Variants in PLCL1 observed in about 807,000 individuals in gnomAD.
PLCL1 encodes inactive phospholipase C-like protein 1.
PLCL1 carries 41 observed loss-of-function variants against 84.4 expected under a neutral mutation model. The observed-to-expected ratio is 0.49, with a 90% CI of 0.38 to 0.63. The LOEUF is 0.63. Ranked by LOEUF, PLCL1 falls within the 30% of genes least tolerant of loss-of-function variation. The pLI, the probability that PLCL1 is intolerant of heterozygous loss-of-function variation, is 0.00. For synonymous variants in PLCL1, 490 were observed against 488.3 expected, an observed-to-expected ratio of 1.00 and a Z score of -0.05; for missense variants, 1,206 against 1,367.8, an observed-to-expected ratio of 0.88 and a Z score of 1.87.
chr2:198,100,060 T>G (rs992689880), intron 3 of PLCL1, among the ~76,000 whole-genome samples: 1 of 152,046 alleles, frequency 6.6e-6, no homozygotes, highest in African/African-American at 2.4e-5. Flanking sequence ...AAAAGATAAT[T>G]ACAAGTTTGA....
intron 1 of PLCL1, among the ~76,000 whole-genome samples, chr2:198,009,882 A>T (rs902516178): frequency 1.3e-5 from 2 of 151,982 alleles, no homozygotes; most frequent in African/African-American, 4.8e-5. Flanking sequence ...TTCTCAGTGT[A>T]TAAGTCTTTT....
At chr2:197,906,474 A>G (rs1319837845) in intron 1 of PLCL1, among the ~76,000 whole-genome samples, 5 of 152,056 alleles carry the variant, frequency 3.3e-5, no homozygotes, top group South Asian at 4.2e-4. Context: ...GCCTTGTAGT[A>G]TAGTTTGAAG....
intron 1 of PLCL1, among the ~76,000 whole-genome samples, chr2:197,972,251 G>T (rs1456398381): frequency 6.6e-6 from 1 of 152,142 alleles, no homozygotes; most frequent in East Asian, 1.9e-4. Flanking sequence ...GCAAGTACAG[G>T]GTTTGTTTTG....
chr2:197,809,027 G>A (rs1690533898), intron 1 of PLCL1, among the ~76,000 whole-genome samples: 1 of 152,102 alleles, frequency 6.6e-6, no homozygotes, highest in Non-Finnish European at 1.5e-5. Context: ...ATATCATGGC[G>A]AGTCTCACTC....
At chr2:197,922,885 C>T (rs1478953846) in intron 1 of PLCL1, among the ~76,000 whole-genome samples, 7 of 129,744 alleles carry the variant, frequency 5.4e-5, no homozygotes, top group Admixed American at 1.5e-4. Flanking sequence ...CCAGACGGGG[C>T]GGCTGGCCGG....
intron 1 of PLCL1, among the ~76,000 whole-genome samples, chr2:197,833,342 G>A (rs1212682000): frequency 6.6e-6 from 1 of 152,174 alleles, no homozygotes; most frequent in African/African-American, 2.4e-5. Flanking sequence ...AATCAGGCAA[G>A]AGAAATAAAT....
At chr2:197,931,836 G>A (rs1393222802) in intron 1 of PLCL1, among the ~76,000 whole-genome samples, 1 of 152,014 alleles carries the variant, frequency 6.6e-6, no homozygotes, top group Non-Finnish European at 1.5e-5. Context: ...TTACTACACA[G>A]GTCAGTTGAA....
Position 198,011,298 on chromosome 2 carries a change from T to C in PLCL1, c.241-72460T>C, listed in dbSNP as rs1327424602. ...TGCTTTCACTGCATTCCATAAGTTT[T>C]GTATGTTGTGTTTTTCTTTTCACTT... is the stretch of plus-strand genomic sequence containing the variant. On this transcript the variant is annotated intron_variant, in intron 1 of 5. Transcript: ENST00000428675. 2.6e-5 allele frequency among the ~76,000 whole-genome samples: 4 copies of C among 152,084 alleles called. No individual in the cohort carries two copies. In the East Asian group the frequency reaches 5.8e-4, roughly 22 times the overall value.
At chr2:198,134,681 G>C (rs1385907659) in intron 5 of PLCL1, among the ~76,000 whole-genome samples, 1 of 152,152 alleles carries the variant, frequency 6.6e-6, no homozygotes, top group Non-Finnish European at 1.5e-5. Flanking sequence ...TTGGTAAAAG[G>C]ACATATCTAG....
Position 197,805,332 on chromosome 2 carries a change from T to G in PLCL1, c.233T>G (p.Ile78Ser). The change falls in exon 1 of 6, where the codon ATC becomes AGC. Residue 78 changes from isoleucine to serine, a missense_variant. Ile to Ser is a moderately radical substitution (Grantham distance 142, BLOSUM62 -2). Coordinates refer to ENST00000428675, the MANE Select transcript of PLCL1 (RefSeq NM_006226.4). The surrounding 1 kb of genome is among the most constrained non-coding windows in gnomAD (Gnocchi z 4.0). ...CGGGCGACCCCCCGGCGCAGCAGCATCATCAAGGTAAGCAAAGCCGCGCCG... is the reference window on the plus strand; with the variant it reads ...CGGGCGACCCCCCGGCGCAGCAGCAGCATCAAGGTAAGCAAAGCCGCGCCG... The part of the protein sequence containing the change: ...AARATPRRSS[I>S]IKDPSNQKCG... 1.5e-6 allele frequency: 2 copies of G among 1,327,476 alleles called. No individual in the cohort carries two copies. The highest frequency in any genetic ancestry group is 1.9e-6 in the Non-Finnish European group (2 of 1,044,624). 82.2% of individuals were successfully genotyped at this position (1,327,476 alleles called of 1,614,324 possible). A position where few individuals can be genotyped will look rare whatever the true frequency, so the allele number is the denominator to read the frequency against.
intron 1 of PLCL1, among the ~76,000 whole-genome samples, chr2:197,863,605 TA>T (rs113257159): frequency 0.015 from 2,222 of 152,264 alleles, 60 homozygotes; most frequent in African/African-American, 0.051. Flanking sequence ...TTAAATAGTA[TA>T]GGGGTTTTAT....
At chr2:197,938,603 G>A (rs1187166026) in intron 1 of PLCL1, among the ~76,000 whole-genome samples, 1 of 152,096 alleles carries the variant, frequency 6.6e-6, no homozygotes, top group Non-Finnish European at 1.5e-5. Context: ...TCCACTTGTT[G>A]CCATCTCCTA....
rs1315058395 is a variant in PLCL1 at position 197,857,906 on chromosome 2, A to G, written c.240+52567A>G. Reference sequence around the variant, plus strand: ...GACATATGGTGAAAGGGATCTTGAAAAAAAAGGAAGCCAAAAGAGTCCCTG... The same window carrying G: ...GACATATGGTGAAAGGGATCTTGAAGAAAAAGGAAGCCAAAAGAGTCCCTG... On this transcript the variant is annotated intron_variant, in intron 1 of 5. Coordinates refer to ENST00000428675, the MANE Select transcript of PLCL1 (RefSeq NM_006226.4). Among the ~76,000 whole-genome samples the G allele has an allele frequency of 2.6e-5, 4 of 152,128 alleles. No individual in the cohort carries two copies. The East Asian group carries it at 7.7e-4, about 29-fold the overall frequency.
intron 5 of PLCL1, among the ~76,000 whole-genome samples, chr2:198,141,468 G>T (rs887096018): frequency 5.6e-5 from 8 of 142,150 alleles, no homozygotes; most frequent in African/African-American, 2.2e-4. Flanking sequence ...CATACCAAGA[G>T]TGTAACATCA....
rs186863345 is a variant in PLCL1 at position 198,108,784 on chromosome 2, C to T, written c.3105+4848C>T. Among the ~76,000 whole-genome samples, 12 of 152,030 alleles carry T rather than the reference C, an allele frequency of 7.9e-5. No individual in the cohort carries two copies. In the East Asian group the frequency reaches 9.7e-4, roughly 12 times the overall value. ...TCTTTAATTCATATTCTAGCACCTA[C>T]GTGGGTCCAGTATAGGGACTTGTTT... On this transcript the variant is annotated intron_variant, in intron 5 of 5. Transcript: ENST00000428675.
intron 1 of PLCL1, among the ~76,000 whole-genome samples, chr2:197,941,563 C>T (rs1689158354): frequency 1.3e-5 from 2 of 152,266 alleles, no homozygotes; most frequent in African/African-American, 2.4e-5. Flanking sequence ...AGATTACTGG[C>T]GTGGGCCACT....
intron 1 of PLCL1, among the ~76,000 whole-genome samples, chr2:197,923,571 A>G (rs1281722706): frequency 6.9e-6 from 1 of 145,712 alleles, no homozygotes; most frequent in East Asian, 2.2e-4. Context: ...GCGGCCGGGC[A>G]GAGACGCTCC....
chr2:197,936,789 T>C (rs1338468844), intron 1 of PLCL1, among the ~76,000 whole-genome samples: 1 of 152,200 alleles, frequency 6.6e-6, no homozygotes. Context: ...TTTTGTTGCT[T>C]GTGCTTTTAA....
intron 1 of PLCL1, among the ~76,000 whole-genome samples, chr2:197,915,978 T>C (rs1688592228): frequency 6.6e-6 from 1 of 152,236 alleles, no homozygotes; most frequent in Non-Finnish European, 1.5e-5. Context: ...TTGCTATAAC[T>C]AAGAGCCTGG....
Sources: allele counts gnomAD v4.1 joint callset (sites outside exome capture counted in the v4.1 genomes callset), GRCh38; gene constraint gnomAD v4.1.1; non-coding constraint Gnocchi (gnomAD v3.1); transcripts MANE v1.5; gene names NCBI Gene and HGNC (gene_info 2026-07-23, HGNC 2026-07-21).